ZFAND3: variants seen among roughly 807,000 people sequenced by gnomAD.
ZFAND3 encodes the protein AN1-type zinc finger protein 3.
In ZFAND3, 10 loss-of-function variants were observed where a neutral mutation model predicts 29.6. The ratio of observed to expected loss-of-function variants is 0.34; its 90% CI spans 0.21 to 0.57. ZFAND3 has a LOEUF of 0.57. Among genes scored for constraint, ZFAND3 ranks in the 20% least tolerant of loss-of-function variants. The pLI, the probability that ZFAND3 is intolerant of heterozygous loss-of-function variation, is 0.86. For missense variants in ZFAND3, 230 were observed against 304.5 expected (o/e 0.76, Z 1.82); for synonymous variants, 128 against 112.6 (o/e 1.14, Z -0.87).
At chr6:37,949,820 GTTC>G (rs767841905) in intron 2 of ZFAND3, among the ~76,000 whole-genome samples, 36 of 152,224 alleles carry the variant, frequency 2.4e-4, no homozygotes, top group Non-Finnish European at 2.1e-4. Flanking sequence ...ACATGGAAGA[GTTC>G]TTCTTCACCT....
chr6:38,126,723 T>C (rs1432802263), intron 5 of ZFAND3, among the ~76,000 whole-genome samples: 1 of 152,160 alleles, frequency 6.6e-6, no homozygotes, highest in Non-Finnish European at 1.5e-5. Context: ...GTTCACACTT[T>C]AAAATTTTAA....
At chr6:38,151,286 T>G (rs1766217957) in intron 5 of ZFAND3, among the ~76,000 whole-genome samples, 1 of 152,216 alleles carries the variant, frequency 6.6e-6, no homozygotes, top group Non-Finnish European at 1.5e-5. Context: ...ATCACTGGTC[T>G]TTTTCTCTTA....
chr6:37,942,276 T>A (rs1261731113), intron 2 of ZFAND3, among the ~76,000 whole-genome samples: 1 of 134,862 alleles, frequency 7.4e-6, no homozygotes, highest in Non-Finnish European at 1.7e-5. Flanking sequence ...TATATATTTT[T>A]TTTTCTTTGA....
At chr6:37,864,392 C>T (rs932895443) in intron 1 of ZFAND3, among the ~76,000 whole-genome samples, 1 of 152,166 alleles carries the variant, frequency 6.6e-6, no homozygotes. Flanking sequence ...TTTCTTTCTA[C>T]ATGCACATGT....
intron 1 of ZFAND3, among the ~76,000 whole-genome samples, chr6:37,833,465 T>C (rs1208794507): frequency 6.6e-6 from 1 of 152,140 alleles, no homozygotes; most frequent in Non-Finnish European, 1.5e-5. Context: ...TTTTTCTACT[T>C]TTTAATTGAA....
At chr6:37,947,914 T>C (rs997774533) in intron 2 of ZFAND3, among the ~76,000 whole-genome samples, 7 of 152,212 alleles carry the variant, frequency 4.6e-5, no homozygotes, top group African/African-American at 1.7e-4. Context: ...TTTTTTCCCT[T>C]CCTGGAGGAT....
At chr6:38,132,397 A>G (rs1765759382) in intron 5 of ZFAND3, among the ~76,000 whole-genome samples, 1 of 152,164 alleles carries the variant, frequency 6.6e-6, no homozygotes. Context: ...AGTCCTAACT[A>G]CTCAGAGGCT....
At chr6:37,986,693 C>G (rs141881904) in intron 2 of ZFAND3, among the ~76,000 whole-genome samples, 267 of 152,180 alleles carry the variant, frequency 1.8e-3, no homozygotes, top group African/African-American at 6.0e-3. Flanking sequence ...TCTTCTTTCT[C>G]TATTTAGGAA....
intron 3 of ZFAND3, chr6:38,062,271 G>A (rs55743233): frequency 0.071 from 11,006 of 154,490 alleles, 467 homozygotes; most frequent in Non-Finnish European, 0.087. Flanking sequence ...AACTGAGATA[G>A]CACTATACTT....
intron 1 of ZFAND3, among the ~76,000 whole-genome samples, chr6:37,908,357 C>T (rs142637058): frequency 3.0e-4 from 45 of 151,988 alleles, no homozygotes; most frequent in Non-Finnish European, 5.2e-4. Context: ...TAATGTAAAA[C>T]GTAAATGTAC....
At chr6:37,911,686 G>A (rs1765523566) in intron 1 of ZFAND3, among the ~76,000 whole-genome samples, 1 of 152,146 alleles carries the variant, frequency 6.6e-6, no homozygotes, top group Non-Finnish European at 1.5e-5. Flanking sequence ...GGTTGTAACT[G>A]ATTATATTAT....
chr6:37,977,429 G>A (rs1261588745), intron 2 of ZFAND3, among the ~76,000 whole-genome samples: 4 of 152,150 alleles, frequency 2.6e-5, no homozygotes, highest in African/African-American at 9.7e-5. Flanking sequence ...AGCCTCCCGA[G>A]TAGCTAGGAT....
At position 38,154,329 on chromosome 6, in the gene ZFAND3, T is replaced by C; in HGVS notation, c.*1940T>C. The C allele has an allele frequency of 1.0e-6, 1 of 970,382 alleles. No individual in the cohort carries two copies. Among genetic ancestry groups the C allele is most frequent in the Non-Finnish European group, 1.2e-6 (1 of 823,966 alleles). The allele number at this position is 970,382 out of a possible 1,614,324, so 60.1% of individuals were successfully genotyped here. On this transcript the variant is annotated 3_prime_UTR_variant, in exon 6 of 6. Transcript: ENST00000287218. ...GCCATGGGAAGGAGCCCAGGGGAGCTGGCCTGGGGGAGCGAAGCCCATGTT... is the reference window on the plus strand; with the variant it reads ...GCCATGGGAAGGAGCCCAGGGGAGCCGGCCTGGGGGAGCGAAGCCCATGTT...
chr6:37,825,644 C>T (rs1379961258), intron 1 of ZFAND3, among the ~76,000 whole-genome samples: 4 of 151,902 alleles, frequency 2.6e-5, no homozygotes, highest in Admixed American at 6.6e-5. Context: ...CTCCATTTAC[C>T]GTCTCCCACT....
chr6:38,057,299 T>G (rs1764149585), intron 2 of ZFAND3, among the ~76,000 whole-genome samples: 1 of 152,174 alleles, frequency 6.6e-6, no homozygotes, highest in Non-Finnish European at 1.5e-5. Context: ...CCCCTTCATT[T>G]TCAGAGTAGA....
chr6:38,153,828 G>T lies in ZFAND3; in HGVS notation c.*1439G>T. 1.0e-6 allele frequency: 1 copy of T among 985,530 alleles called. No homozygotes were observed. Among genetic ancestry groups the T allele is most frequent in the Non-Finnish European group, 1.2e-6 (1 of 829,964 alleles). 61.0% of individuals were successfully genotyped at this position (985,530 alleles called of 1,614,324 possible). On this transcript the variant is annotated 3_prime_UTR_variant, in exon 6 of 6. Coordinates refer to ENST00000287218, the MANE Select transcript of ZFAND3 (RefSeq NM_021943.3). ...CCGCATCAGATCCAGGTGGGTGAGG[G>T]CAGGAGGCCCCTGCGGAGGCAGCGT...
chr6:37,826,465 G>A (rs1464068941), intron 1 of ZFAND3, among the ~76,000 whole-genome samples: 1 of 152,138 alleles, frequency 6.6e-6, no homozygotes, highest in Non-Finnish European at 1.5e-5. Context: ...TTTATTTACA[G>A]TGTCTTGGCT....
intron 2 of ZFAND3, among the ~76,000 whole-genome samples, chr6:37,974,381 A>G (rs905177985): frequency 7.2e-6 from 1 of 139,774 alleles, no homozygotes; most frequent in African/African-American, 2.7e-5. Context: ...CATGCATTAT[A>G]TACTCTCTCT....
At chr6:37,969,458 C>T (rs1185914099) in intron 2 of ZFAND3, among the ~76,000 whole-genome samples, 4 of 152,088 alleles carry the variant, frequency 2.6e-5, no homozygotes, top group African/African-American at 4.8e-5. Flanking sequence ...AGCCTATAGT[C>T]GGGCAAAAAT....
Sources: allele counts gnomAD v4.1 joint callset (sites outside exome capture counted in the v4.1 genomes callset), GRCh38; gene constraint gnomAD v4.1.1; transcripts MANE v1.5; gene names NCBI Gene and HGNC (gene_info 2026-07-23, HGNC 2026-07-21).